The following BACH1 variants were observed in gnomAD, a reference collection of about 807,000 sequenced individuals.
The protein encoded by BACH1 is BTB domain and CNC homolog 1.
In BACH1, 35 loss-of-function variants were observed where a neutral mutation model predicts 52.9. The observed-to-expected ratio is 0.66, with a 90% CI of 0.51 to 0.88. The LOEUF is 0.88. BACH1 is among the 40% of genes least tolerant of loss of function. The pLI is 0.00. For missense variants in BACH1, 808 were observed against 872.6 expected (o/e 0.93, Z 0.93); for synonymous variants, 321 against 319.6 (o/e 1.00, Z -0.05).
chr21:29,353,533 C>A (rs549787713), intron 2 of BACH1, among the ~76,000 whole-genome samples: 9 of 152,274 alleles, frequency 5.9e-5, no homozygotes, highest in Non-Finnish European at 8.8e-5. Flanking sequence ...TCCTTTGCAG[C>A]ATTTGAGAAG....
chr21:29,302,085 C>T (rs1238146245), intron 1 of BACH1, among the ~76,000 whole-genome samples: 1 of 152,146 alleles, frequency 6.6e-6, no homozygotes, highest in Non-Finnish European at 1.5e-5. Flanking sequence ...TTTTAGGAAT[C>T]ACCACCTCTC....
intron 2 of BACH1, chr21:29,351,841 T>G (rs1968968049): frequency 2.1e-6 from 1 of 476,204 alleles, no homozygotes; most frequent in South Asian, 1.5e-5. Flanking sequence ...GTAAAAGCAC[T>G]TAATGGCCTG....
Position 29,326,247 on chromosome 21 carries a change from A to T in BACH1, c.423A>T (p.Pro141=), listed in dbSNP as rs1024662994. The change falls in exon 3 of 5, where the codon CCA becomes CCT. Residue 141 remains proline, a synonymous_variant. Coordinates refer to ENST00000286800, the MANE Select transcript of BACH1 (RefSeq NM_001186.4). ...CCACTGCAGACCAGCAAGAATGCCC[A>T]AGAAAAAAATGCTTTTCATCACACT... The part of the protein sequence containing the change: ...LDSTADQQEC[P]RKKCFSSHCQ... The T allele has an allele frequency of 2.5e-6, 4 of 1,614,152 alleles. No individual in the cohort carries two copies. In the South Asian group the frequency reaches 4.4e-5, roughly 18 times the overall value.
In BACH1 at chr21:29,321,555, C is replaced by T. The variant is rs751067065; in HGVS notation, c.234+41C>T. On this transcript the variant is annotated intron_variant, in intron 2 of 4. Transcript: ENST00000286800. The stretch of plus-strand genomic sequence containing the variant: ...TTTTGGCAATTTTAATCTACTTTTA[C>T]TTAAGTTTTTTATGGTTCATAATGT... The T allele has an allele frequency of 3.2e-6, 5 of 1,559,016 alleles. No individual in the cohort carries two copies. The South Asian group carries it at 5.7e-5, about 18-fold the overall frequency.
chr21:29,302,289 C>T (rs368692635), intron 1 of BACH1, among the ~76,000 whole-genome samples: 64 of 152,156 alleles, frequency 4.2e-4, no homozygotes, highest in East Asian at 1.5e-3. Context: ...GAGTGCAATT[C>T]GCCAGAATCC....
At chr21:29,353,832 A>G (rs1332381530) in intron 2 of BACH1, among the ~76,000 whole-genome samples, 3 of 152,190 alleles carry the variant, frequency 2.0e-5, no homozygotes, top group African/African-American at 7.2e-5. Context: ...TGGCAGCAGA[A>G]TAGAGTGGCA....
chr21:29,356,820 A>G (rs2089237409), intron 2 of BACH1, among the ~76,000 whole-genome samples: 1 of 151,962 alleles, frequency 6.6e-6, no homozygotes, highest in South Asian at 2.1e-4. Context: ...TTAATGGAAT[A>G]GGGTACACTG....
chr21:29,330,967 C>CA (rs1056409059), intron 4 of BACH1, among the ~76,000 whole-genome samples: 1 of 145,046 alleles, frequency 6.9e-6, no homozygotes, highest in African/African-American at 2.5e-5. Context: ...AAAAAAAAAA[C>CA]AAAAAACCCA....
chr21:29,308,294 A>G (rs1435825133), intron 1 of BACH1, among the ~76,000 whole-genome samples: 1 of 152,206 alleles, frequency 6.6e-6, no homozygotes, highest in South Asian at 2.1e-4. Context: ...AGTTTTAGCT[A>G]TGTATATTGA....
rs530654904 is a variant in BACH1, at chr21:29,324,849, G to A, written c.235-1210G>A. Among the ~76,000 whole-genome samples, 111 of 152,018 alleles carry A rather than the reference G, an allele frequency of 7.3e-4. 1 individual carries two copies. Among genetic ancestry groups the A allele is most frequent in the Non-Finnish European group, 1.4e-3 (97 of 67,984 alleles). On this transcript the variant is annotated intron_variant, in intron 2 of 4. Coordinates refer to ENST00000286800, the MANE Select transcript of BACH1 (RefSeq NM_001186.4). ...CAATATGTGAGTGATTTAGTTTATC[G>A]GCATTCTCATTAGCATTTGATGGTA... is the stretch of plus-strand genomic sequence containing the variant.
Position 29,342,443 on chromosome 21 carries a change from G to A in BACH1, c.1821G>A (p.Leu607=), listed in dbSNP as rs934999553. 1.9e-6 allele frequency: 3 copies of A among 1,614,110 alleles called. No individual in the cohort carries two copies. The highest frequency in any genetic ancestry group is 1.7e-5 in the Admixed American group (1 of 60,004). Residue 607 remains leucine, a synonymous_variant, in exon 5 of 5, where the codon TTG becomes TTA. Coordinates refer to ENST00000286800, the MANE Select transcript of BACH1 (RefSeq NM_001186.4). The part of the protein sequence containing the change: ...ESLLKERDHI[L]STLGETKQNL... Reference sequence around the variant, plus strand: ...TGTTGAAGGAAAGAGATCACATTTTGTCAACTCTGGGTGAGACAAAGCAGA... The same window carrying A: ...TGTTGAAGGAAAGAGATCACATTTTATCAACTCTGGGTGAGACAAAGCAGA...
chr21:29,332,731 A>T (rs2088999210), intron 4 of BACH1, among the ~76,000 whole-genome samples: 2 of 152,246 alleles, frequency 1.3e-5, no homozygotes, highest in African/African-American at 4.8e-5. Flanking sequence ...CACTCTCTCC[A>T]GGGACTAATC....
chr21:29,310,814 G>C (rs993227018), intron 1 of BACH1, among the ~76,000 whole-genome samples: 1 of 152,260 alleles, frequency 6.6e-6, no homozygotes, highest in South Asian at 2.1e-4. Context: ...AGGGGAAAAG[G>C]CTTGTTTGAG....
At chr21:29,308,295 T>C (rs1302788012) in intron 1 of BACH1, among the ~76,000 whole-genome samples, 1 of 152,230 alleles carries the variant, frequency 6.6e-6, no homozygotes, top group African/African-American at 2.4e-5. Context: ...GTTTTAGCTA[T>C]GTATATTGAG....
chr21:29,311,262 C>T (rs920497764), intron 1 of BACH1, among the ~76,000 whole-genome samples: 4 of 152,112 alleles, frequency 2.6e-5, no homozygotes, highest in Admixed American at 2.0e-4. Flanking sequence ...TATTCTCTAT[C>T]AAATGCCTTT....
chr21:29,357,245 T>C (rs1294106967), intron 2 of BACH1, among the ~76,000 whole-genome samples: 1 of 152,216 alleles, frequency 6.6e-6, no homozygotes, highest in Non-Finnish European at 1.5e-5. Context: ...CAAGTACTGT[T>C]ACTGTGGCAT....
At chr21:29,360,953 T>G (rs2123499091) in intron 2 of BACH1, 1 of 152,368 alleles carries the variant, frequency 6.6e-6, no homozygotes, top group East Asian at 1.9e-4. Context: ...CTCTTTGTAA[T>G]GCCTGCCACC....
chr21:29,311,301 T>C (rs534567843), intron 1 of BACH1, among the ~76,000 whole-genome samples: 147 of 152,350 alleles, frequency 9.6e-4, no homozygotes, highest in African/African-American at 3.1e-3. Flanking sequence ...TAAAAAGTTA[T>C]ATTAATACTT....
In BACH1 at chr21:29,321,271, G is replaced by T; in HGVS notation, c.-10G>T. The T allele has an allele frequency of 6.2e-7, 1 of 1,603,938 alleles. No individual in the cohort carries two copies. The highest frequency in any genetic ancestry group is 8.5e-7 in the Non-Finnish European group (1 of 1,170,832). On this transcript the variant is annotated 5_prime_UTR_variant, in exon 2 of 5. Transcript: ENST00000286800. ...TCCACTGAACTTCCCGACAACATTT[G>T]TTATGCAGAATGTCTCTGAGTGAGA...
Sources: allele counts gnomAD v4.1 joint callset (sites outside exome capture counted in the v4.1 genomes callset), GRCh38; gene constraint gnomAD v4.1.1; transcripts MANE v1.5; gene names NCBI Gene and HGNC (gene_info 2026-07-23, HGNC 2026-07-21).